The following TPTE variants were observed in gnomAD, a reference collection of about 807,000 sequenced individuals.
TPTE encodes putative tyrosine-protein phosphatase TPTE.
A neutral mutation model predicts 84.1 loss-of-function variants in TPTE; 59 were observed. The ratio of observed to expected loss-of-function variants is 0.70; its 90% CI spans 0.57 to 0.87. TPTE has a LOEUF of 0.87. TPTE is among the 40% of genes least tolerant of loss of function. TPTE has a pLI of 0.00. For missense variants in TPTE, 382 were observed against 659.6 expected (o/e 0.58, Z 4.61); for synonymous variants, 130 against 223.5 (o/e 0.58, Z 3.73).
rs1187767325 is a variant in TPTE, at chr21:10,522,462, G to A, written c.-211+768G>A. ...CGGCCCTTGGGGCGCGGGCGGAGGG[G>A]GGACGTCGGCGTAGGGTCCCCAGCG... On this transcript the variant is annotated intron_variant, in intron 1 of 23. Transcript: ENST00000618007. 7.2e-5 allele frequency among the ~76,000 whole-genome samples: 11 copies of A among 152,422 alleles called. No homozygotes were observed. In the East Asian group the frequency reaches 2.1e-3, roughly 29 times the overall value.
chr21:10,535,879 A>G (rs1452542486), intron 3 of TPTE, among the ~76,000 whole-genome samples: 3 of 152,308 alleles, frequency 2.0e-5, no homozygotes, highest in Admixed American at 1.3e-4. Context: ...GGCAAGAAAG[A>G]CAGCCATGAT....
chr21:10,603,774 T>C, intron 23 of TPTE, 142 bp downstream of exon 23: 1 of 1,080,134 alleles, frequency 9.3e-7, no homozygotes, highest in Non-Finnish European at 1.3e-6. Context: ...TTCCTTGCCT[T>C]ACTCTTCTTA....
chr21:10,543,568 A>ATTTAC (rs1324449474), intron 7 of TPTE, among the ~76,000 whole-genome samples, 186 bp downstream of exon 7: 17 of 152,300 alleles, frequency 1.1e-4, no homozygotes, highest in African/African-American at 4.1e-4. Flanking sequence ...CATTTGTGGA[A>ATTTAC]TTTACTCTCA....
At chr21:10,590,120 A>G (rs2075440102) in intron 17 of TPTE, among the ~76,000 whole-genome samples, 1 of 152,428 alleles carries the variant, frequency 6.6e-6, no homozygotes, top group East Asian at 1.9e-4. Context: ...ATATTAACGT[A>G]CTAAATGAGT....
chr21:10,525,501 T>A (rs1390570063), intron 2 of TPTE, among the ~76,000 whole-genome samples: 1 of 152,308 alleles, frequency 6.6e-6, no homozygotes, highest in Non-Finnish European at 1.5e-5. Flanking sequence ...GAAGCTTATA[T>A]ACTGTGTCTG....
At chr21:10,547,499 A>T (rs1484264261) in intron 7 of TPTE, among the ~76,000 whole-genome samples, 2 of 152,292 alleles carry the variant, frequency 1.3e-5, no homozygotes, top group African/African-American at 2.4e-5. Flanking sequence ...GGAGAATCTC[A>T]CAGTCTTTGC....
intron 8 of TPTE, among the ~76,000 whole-genome samples, chr21:10,553,220 G>A (rs2074614624): frequency 6.6e-6 from 1 of 152,300 alleles, no homozygotes; most frequent in South Asian, 2.1e-4. Flanking sequence ...TGACCTGAAG[G>A]CATTTTATCA....
chr21:10,535,406 T>C (rs527458878), intron 3 of TPTE, among the ~76,000 whole-genome samples: 3 of 152,426 alleles, frequency 2.0e-5, no homozygotes, highest in African/African-American at 7.2e-5. Context: ...ATTTGTAAAA[T>C]TCACTGTCAG....
At position 10,530,518 on chromosome 21, in the gene TPTE, G is replaced by A. The variant is rs531516452; in HGVS notation, c.-44+3106G>A. 3.2e-4 allele frequency among the ~76,000 whole-genome samples: 49 copies of A among 152,396 alleles called. No individual in the cohort carries two copies. In the South Asian group the frequency reaches 7.0e-3, roughly 22 times the overall value. The stretch of plus-strand genomic sequence containing the variant: ...ATTATTCTTCTTGTGCATACCTTTC[G>A]TTGTTGCTTTTAACTGGTATGAAAA... On this transcript the variant is annotated intron_variant, in intron 3 of 23. Transcript: ENST00000618007.
At chr21:10,545,793 G>A (rs1420435439) in intron 7 of TPTE, among the ~76,000 whole-genome samples, 3 of 151,698 alleles carry the variant, frequency 2.0e-5, no homozygotes, top group African/African-American at 7.3e-5. Context: ...GTCTACATAT[G>A]TGCATATTTA....
rs139751293 is a variant in TPTE, at chr21:10,570,490, A to G, written c.736A>G (p.Ile246Val). The G allele has an allele frequency of 3.4e-4, 547 of 1,611,756 alleles. No homozygotes were observed. The highest frequency in any genetic ancestry group is 3.9e-4 in the Non-Finnish European group (460 of 1,177,796). The change falls in exon 14 of 24, where the codon ATT (isoleucine) becomes GTT (valine). Residue 246 changes from isoleucine to valine, a missense_variant. Transcript: ENST00000618007. ...DLDLTYVTER[I>V]IAMSFPSSGR... is the part of the protein sequence containing the mutation. ...GTGATGATTTTGACTTTTAGAACGTATTATTGCTATGTCATTTCCATCTTC... is the reference window on the plus strand; with the variant it reads ...GTGATGATTTTGACTTTTAGAACGTGTTATTGCTATGTCATTTCCATCTTC...
At chr21:10,566,586 T>A (rs1423456086) in intron 10 of TPTE, among the ~76,000 whole-genome samples, 1 of 152,306 alleles carries the variant, frequency 6.6e-6, no homozygotes, top group Non-Finnish European at 1.5e-5. Context: ...TCATAATGGC[T>A]AAGATTTGGA....
chr21:10,581,383 T>C (rs1359674143), intron 17 of TPTE, among the ~76,000 whole-genome samples: 1 of 152,310 alleles, frequency 6.6e-6, no homozygotes, highest in Non-Finnish European at 1.5e-5. Flanking sequence ...AAAACAATCA[T>C]TTCAAATCTG....
intron 15 of TPTE, among the ~76,000 whole-genome samples, chr21:10,578,112 A>G (rs868494835): frequency 0.011 from 1,615 of 149,382 alleles, no homozygotes; most frequent in African/African-American, 0.039. Flanking sequence ...AATTATACCT[A>G]TTAAACAAAA....
chr21:10,551,555 A>G (rs1383156196), intron 7 of TPTE, among the ~76,000 whole-genome samples: 3 of 152,310 alleles, frequency 2.0e-5, no homozygotes, highest in African/African-American at 7.2e-5. Flanking sequence ...CAAACCCCAA[A>G]TTATTAAAAG....
chr21:10,561,831 A>T (rs565027640), intron 10 of TPTE, among the ~76,000 whole-genome samples: 1 of 152,308 alleles, frequency 6.6e-6, no homozygotes, highest in Admixed American at 6.5e-5. Flanking sequence ...AGGCAAGGAC[A>T]CAGGCCTGGC....
chr21:10,561,343 T>G, intron 10 of TPTE, 152 bp downstream of exon 10: 1 of 1,171,550 alleles, frequency 8.5e-7, no homozygotes, highest in Non-Finnish European at 1.2e-6. Flanking sequence ...AATACAAAAA[T>G]TAGCTGGGCA....
chr21:10,565,253 A>G (rs1482334024), intron 10 of TPTE, among the ~76,000 whole-genome samples: 1 of 152,312 alleles, frequency 6.6e-6, no homozygotes, highest in African/African-American at 2.4e-5. Context: ...GGTCCTATAT[A>G]CAATAGCCAC....
intron 2 of TPTE, 35 bp from the exon 3 acceptor site, chr21:10,527,320 T>C (rs1600850173): frequency 6.5e-6 from 1 of 152,892 alleles, no homozygotes; most frequent in Non-Finnish European, 1.5e-5. Context: ...AATATCTGAC[T>C]TTATTTTTTG....
Sources: allele counts gnomAD v4.1 joint callset (sites outside exome capture counted in the v4.1 genomes callset), GRCh38; gene constraint gnomAD v4.1.1; transcripts MANE v1.5; gene names NCBI Gene and HGNC (gene_info 2026-07-23, HGNC 2026-07-21).